Variants in DCLK2 observed in about 807,000 individuals in gnomAD.
The protein encoded by DCLK2 is doublecortin like kinase 2, also known as serine/threonine-protein kinase DCLK2.
In DCLK2, 31 loss-of-function variants were observed where a neutral mutation model predicts 78.4. The observed-to-expected ratio is 0.40, with a 90% confidence interval of 0.30 to 0.53. The LOEUF (loss-of-function observed/expected upper bound fraction) is 0.53, where lower values mean the gene tolerates loss of function less well. DCLK2 is among the 20% of genes least tolerant of loss of function. The pLI, the probability that DCLK2 is intolerant of heterozygous loss-of-function variation, is 0.61. For missense variants in DCLK2, 872 were observed against 973.7 expected, an observed-to-expected ratio of 0.90 and a Z score of 1.39; for synonymous variants, 407 against 374.9, an observed-to-expected ratio of 1.09 and a Z score of -0.99.
intron 2 of DCLK2, among the ~76,000 whole-genome samples, chr4:150,159,821 A>G (rs1018889898): frequency 3.3e-5 from 5 of 152,164 alleles, no homozygotes; most frequent in Admixed American, 2.0e-4. Context: ...GGTGGTCGAG[A>G]GAACACGTTT....
intron 2 of DCLK2, among the ~76,000 whole-genome samples, chr4:150,159,177 A>G (rs185602779): frequency 9.9e-4 from 151 of 152,298 alleles, no homozygotes; most frequent in African/African-American, 3.6e-3. Flanking sequence ...CACCACATCA[A>G]AGGGAGTGCC....
intron 15 of DCLK2, chr4:150,253,869 A>G: frequency 1.0e-6 from 1 of 985,468 alleles, no homozygotes; most frequent in Non-Finnish European, 1.2e-6. Context: ...GAGCAGCTTA[A>G]GATGGTGCCT....
intron 2 of DCLK2, among the ~76,000 whole-genome samples, chr4:150,134,960 G>A (rs1248471197): frequency 6.6e-6 from 1 of 152,014 alleles, no homozygotes; most frequent in East Asian, 1.9e-4. Context: ...ATGAGTATAT[G>A]TTTTAAAAAA....
At chr4:150,187,325 C>T (rs898729604) in intron 2 of DCLK2, among the ~76,000 whole-genome samples, 5 of 152,110 alleles carry the variant, frequency 3.3e-5, no homozygotes, top group Non-Finnish European at 5.9e-5. Flanking sequence ...GCCACTGCAC[C>T]CAGCCCATTT....
At chr4:150,169,058 C>T (rs1178203920) in intron 2 of DCLK2, among the ~76,000 whole-genome samples, 2 of 152,076 alleles carry the variant, frequency 1.3e-5, no homozygotes, top group East Asian at 1.9e-4. Flanking sequence ...CCCCACCCCC[C>T]GTAATTCCTT....
chr4:150,097,701 T>C (rs1231927166), intron 1 of DCLK2, among the ~76,000 whole-genome samples: 1 of 152,220 alleles, frequency 6.6e-6, no homozygotes, highest in Non-Finnish European at 1.5e-5. Flanking sequence ...ATTGAAGGAA[T>C]GCTTTCTGTT....
At chr4:150,237,714 T>TGCTAACATGCTTATCTTGAA (rs1742613957) in intron 10 of DCLK2, among the ~76,000 whole-genome samples, 1 of 152,240 alleles carries the variant, frequency 6.6e-6, no homozygotes, top group Non-Finnish European at 1.5e-5. Context: ...TGGATGATGT[T>TGCTAACATGCTTATCTTGAA]GCTAACATGC....
At chr4:150,161,765 C>CA (rs1180061166) in intron 2 of DCLK2, among the ~76,000 whole-genome samples, 4 of 152,144 alleles carry the variant, frequency 2.6e-5, no homozygotes, top group Admixed American at 6.5e-5. Flanking sequence ...TGAGAGATTG[C>CA]AATTTGTGAA....
At chr4:150,105,402 T>G (rs961504743) in intron 2 of DCLK2, among the ~76,000 whole-genome samples, 2 of 151,368 alleles carry the variant, frequency 1.3e-5, no homozygotes, top group African/African-American at 4.9e-5. Context: ...TTAAAAAATG[T>G]TGTTTCACAA....
At chr4:150,135,307 A>T (rs1733616529) in intron 2 of DCLK2, among the ~76,000 whole-genome samples, 1 of 152,228 alleles carries the variant, frequency 6.6e-6, no homozygotes, top group African/African-American at 2.4e-5. Context: ...ATCTGTTGGA[A>T]CATTTCTCAT....
chr4:150,252,282 A>C (rs545437973), intron 15 of DCLK2, among the ~76,000 whole-genome samples: 1 of 152,308 alleles, frequency 6.6e-6, no homozygotes, highest in Non-Finnish European at 1.5e-5. Flanking sequence ...TAGAAAAATA[A>C]AACATTAAAA....
chr4:150,187,779 G>A (rs1350901322), intron 2 of DCLK2, among the ~76,000 whole-genome samples: 3 of 150,016 alleles, frequency 2.0e-5, no homozygotes, highest in East Asian at 2.0e-4. Context: ...GTATACCTGC[G>A]ACATGTTTTG....
chr4:150,239,670 T>G, intron 10 of DCLK2, 72 bp from the exon 11 acceptor site: 2 of 1,562,796 alleles, frequency 1.3e-6, no homozygotes, highest in Non-Finnish European at 1.7e-6. Context: ...CCTTTCTGCC[T>G]AATTCCAAGA....
chr4:150,104,090 A>G (rs186965450), intron 2 of DCLK2, among the ~76,000 whole-genome samples: 3 of 152,220 alleles, frequency 2.0e-5, no homozygotes, highest in Admixed American at 2.0e-4. Context: ...TAAGATACCT[A>G]ACCAAAGAAA....
At chr4:150,222,921 A>G (rs1211021995) in intron 7 of DCLK2, among the ~76,000 whole-genome samples, 1 of 151,818 alleles carries the variant, frequency 6.6e-6, no homozygotes, top group Admixed American at 6.6e-5. Context: ...GATTTTTTAT[A>G]AACAATATTC....
intron 2 of DCLK2, among the ~76,000 whole-genome samples, chr4:150,107,937 T>C (rs78734596): frequency 6.6e-6 from 1 of 151,986 alleles, no homozygotes; most frequent in African/African-American, 2.4e-5. Context: ...CACTACTGCA[T>C]GCCAGCCTTG....
intron 2 of DCLK2, among the ~76,000 whole-genome samples, chr4:150,161,143 A>G (rs564517500): frequency 5.3e-5 from 8 of 152,344 alleles, no homozygotes; most frequent in African/African-American, 1.2e-4. Context: ...AAGTTAGTCA[A>G]TGAAGATATA....
rs1406698185 is a variant in DCLK2, at chr4:150,079,089, C to T, written c.62C>T (p.Pro21Leu). The T allele has an allele frequency of 1.9e-6, 3 of 1,563,736 alleles. No individual in the cohort carries two copies. Among genetic ancestry groups the T allele is most frequent in the Admixed American group, 1.9e-5 (1 of 52,258 alleles). Residue 21 changes from proline (P) to leucine (L), a missense_variant, in exon 1 of 16, where the codon CCG becomes CTG. Physicochemically the swap from Pro to Leu is moderately conservative, Grantham distance 98 (BLOSUM62 -3). Around this residue, in one of 3 missense-constraint regions of DCLK2, gnomAD observed 567 missense variants for 593.4 expected, o/e 0.96. Coordinates refer to ENST00000296550, the MANE Select transcript of DCLK2 (RefSeq NM_001040260.4). ...HFEERDKRPRPGSRRGAPSSS... is the reference protein window; with the variant it reads ...HFEERDKRPRLGSRRGAPSSS... ...GAGGAACGGGACAAAAGGCCGCGGC[C>T]GGGGTCGCGGAGAGGGGCCCCCAGC...
chr4:150,216,739 G>A (rs1226404642), intron 5 of DCLK2, among the ~76,000 whole-genome samples: 1 of 152,280 alleles, frequency 6.6e-6, no homozygotes, highest in East Asian at 1.9e-4. Context: ...ACGAGGTGGT[G>A]CAGGGGCACC....
Sources: gnomAD v4.1 joint callset for allele counts (sites outside exome capture counted in the v4.1 genomes callset) on GRCh38, gnomAD v4.1.1 for gene constraint, gnomAD v4.1.1 regional missense constraint, MANE v1.5 for transcripts, NCBI Gene and HGNC (gene_info 2026-07-23, HGNC 2026-07-21) for gene names.